The following CACNB2 variants were observed in gnomAD, a reference collection of about 807,000 sequenced individuals.
CACNB2 encodes the protein calcium voltage-gated channel auxiliary subunit beta 2.
CACNB2 carries 42 observed loss-of-function variants against 73.3 expected under a neutral mutation model. That is an observed-to-expected ratio of 0.57 (90% CI 0.45 to 0.74). CACNB2 has a LOEUF of 0.74. Among genes scored for constraint, CACNB2 ranks in the 30% least tolerant of loss-of-function variants. CACNB2 has a pLI of 0.00. For missense variants in CACNB2, 940 were observed against 853.0 expected, an observed-to-expected ratio of 1.10 and a Z score of -1.27; for synonymous variants, 348 against 310.3, an observed-to-expected ratio of 1.12 and a Z score of -1.28.
chr10:18,141,225 GGTGGGCGGGAGGGGGCCCGCTTCCC>G, intron 1 of CACNB2: 1 of 1,490,004 alleles, frequency 6.7e-7, no homozygotes, highest in Non-Finnish European at 9.1e-7. Context: ...CGTGAGTCCG[GGTGGGCGGGAGGGGGCCCGCTTCCC>G]GCAGCGCTTT....
intron 1 of CACNB2, chr10:18,141,223 C>A: frequency 2.8e-6 from 1 of 358,722 alleles, no homozygotes; most frequent in Non-Finnish European, 5.6e-6. Context: ...ATCGTGAGTC[C>A]GGGTGGGCGG....
chr10:18,168,173 C>A (rs1455898732), intron 2 of CACNB2, among the ~76,000 whole-genome samples: 1 of 152,138 alleles, frequency 6.6e-6, no homozygotes. Flanking sequence ...GTAATCATAG[C>A]AACTTGGGAG....
intron 3 of CACNB2, among the ~76,000 whole-genome samples, chr10:18,459,092 A>T (rs2047432725): frequency 1.3e-5 from 2 of 152,162 alleles, no homozygotes; most frequent in African/African-American, 4.8e-5. Context: ...AACATTTTTT[A>T]AAAAGACTTC....
intron 3 of CACNB2, among the ~76,000 whole-genome samples, chr10:18,425,276 C>T (rs1221276703): frequency 6.6e-6 from 1 of 152,166 alleles, no homozygotes; most frequent in African/African-American, 2.4e-5. Flanking sequence ...TAATTTGTAG[C>T]TGCTCTTGTC....
rs751020214 is a variant in CACNB2 at position 18,265,660 on chromosome 10, G to A, written c.213+114685G>A. On this transcript the variant is annotated intron_variant, in intron 2 of 13. Coordinates refer to ENST00000324631, the MANE Select transcript of CACNB2 (RefSeq NM_201596.3). ...TTTGATATAATCATTTACTTACCGT[G>A]TGATAGTGGGGTTCTTTTCTTTCTT... 5.3e-4 allele frequency among the ~76,000 whole-genome samples: 81 copies of A among 152,274 alleles called. No homozygotes were observed. In the Middle Eastern group the frequency reaches 0.01, roughly 19 times the overall value.
chr10:18,377,093 G>A (rs762715310), intron 2 of CACNB2, among the ~76,000 whole-genome samples: 14 of 152,172 alleles, frequency 9.2e-5, no homozygotes, highest in Non-Finnish European at 1.6e-4. Flanking sequence ...TTGCATGCCT[G>A]TATCAACATA....
At chr10:18,198,103 A>C (rs1372763099) in intron 2 of CACNB2, among the ~76,000 whole-genome samples, 1 of 148,252 alleles carries the variant, frequency 6.7e-6, no homozygotes, top group African/African-American at 2.5e-5. Flanking sequence ...TTAACATGTA[A>C]TATATTCATA....
chr10:18,329,027 T>C (rs2040695565), intron 2 of CACNB2, among the ~76,000 whole-genome samples: 1 of 152,206 alleles, frequency 6.6e-6, no homozygotes, highest in African/African-American at 2.4e-5. Flanking sequence ...GGCATATGCA[T>C]AGTGAAAGGA....
chr10:18,169,056 C>T lies in CACNB2; in HGVS notation c.213+18081C>T, dbSNP rs192064294. Among the ~76,000 whole-genome samples, 25 of 151,960 alleles carry T rather than the reference C, an allele frequency of 1.6e-4. No homozygotes were observed. In the East Asian group the frequency reaches 4.1e-3, roughly 25 times the overall value. Reference sequence around the variant, plus strand: ...TAATAAATGGTGGCTAGCTACTAGCCTAAATAACCTTATTATACTAATAAT... The same window carrying T: ...TAATAAATGGTGGCTAGCTACTAGCTTAAATAACCTTATTATACTAATAAT... On this transcript the variant is annotated intron_variant, in intron 2 of 13. Coordinates refer to ENST00000324631, the MANE Select transcript of CACNB2 (RefSeq NM_201596.3).
intron 2 of CACNB2, among the ~76,000 whole-genome samples, chr10:18,283,091 C>G (rs1365035797): frequency 1.3e-5 from 2 of 152,164 alleles, no homozygotes; most frequent in Non-Finnish European, 2.9e-5. Context: ...CACTGGCCAT[C>G]AGAGAAATTC....
intron 2 of CACNB2, among the ~76,000 whole-genome samples, chr10:18,287,976 G>T (rs78183914): frequency 0.023 from 3,447 of 152,278 alleles, 131 homozygotes; most frequent in African/African-American, 0.08. Flanking sequence ...GCAATGCTCA[G>T]CTCCTAGCTG....
intron 2 of CACNB2, among the ~76,000 whole-genome samples, chr10:18,289,026 C>G (rs1345808571): frequency 6.6e-6 from 1 of 152,068 alleles, no homozygotes; most frequent in East Asian, 1.9e-4. Flanking sequence ...GCCTGGGCGA[C>G]AGAGCAAGAC....
At chr10:18,292,672 A>G (rs1239835343) in intron 2 of CACNB2, among the ~76,000 whole-genome samples, 1 of 152,138 alleles carries the variant, frequency 6.6e-6, no homozygotes, top group Non-Finnish European at 1.5e-5. Context: ...AAATAAAATT[A>G]TATATATAGA....
chr10:18,170,662 G>C (rs897707619), intron 2 of CACNB2, among the ~76,000 whole-genome samples: 1 of 152,208 alleles, frequency 6.6e-6, no homozygotes, highest in African/African-American at 2.4e-5. Context: ...AAAAACCCTT[G>C]TGAGGACAAG....
At chr10:18,304,942 A>C (rs765341983) in intron 2 of CACNB2, among the ~76,000 whole-genome samples, 2 of 152,216 alleles carry the variant, frequency 1.3e-5, no homozygotes, top group Non-Finnish European at 2.9e-5. Flanking sequence ...TCTTGGAATA[A>C]GATGTAATGG....
chr10:18,252,270 A>G (rs1347846841), intron 2 of CACNB2, among the ~76,000 whole-genome samples: 2 of 152,236 alleles, frequency 1.3e-5, no homozygotes, highest in African/African-American at 4.8e-5. Context: ...AATGCTGTTC[A>G]TAAGTTTACA....
chr10:18,285,592 C>A (rs2038752828), intron 2 of CACNB2, among the ~76,000 whole-genome samples: 1 of 152,166 alleles, frequency 6.6e-6, no homozygotes, highest in Non-Finnish European at 1.5e-5. Context: ...TAACTGAGCT[C>A]AATGAATACA....
At chr10:18,373,049 C>T (rs2042653779) in intron 2 of CACNB2, among the ~76,000 whole-genome samples, 1 of 152,090 alleles carries the variant, frequency 6.6e-6, no homozygotes, top group Non-Finnish European at 1.5e-5. Flanking sequence ...CTCGTGGCCT[C>T]AAGCGATTCT....
chr10:18,228,390 G>A (rs187253396), intron 2 of CACNB2, among the ~76,000 whole-genome samples: 4 of 116,160 alleles, frequency 3.4e-5, no homozygotes, highest in Admixed American at 2.6e-4. Flanking sequence ...CCGAGATGGC[G>A]ACATTGCACT....
Sources: allele counts gnomAD v4.1 joint callset (sites outside exome capture counted in the v4.1 genomes callset), GRCh38; gene constraint gnomAD v4.1.1; transcripts MANE v1.5; gene names NCBI Gene and HGNC (gene_info 2026-07-23, HGNC 2026-07-21).